Variants in SLC38A7 observed in about 807,000 individuals in gnomAD.
SLC38A7 encodes the protein sodium-coupled neutral amino acid transporter 7.
Under a neutral mutation model 50.1 loss-of-function variants are expected in SLC38A7, and 29 were observed. The observed-to-expected ratio is 0.58, with a 90% CI of 0.43 to 0.79. The LOEUF (loss-of-function observed/expected upper bound fraction) is 0.79, where lower values mean the gene tolerates loss of function less well. SLC38A7 is among the 30% of genes least tolerant of loss of function. SLC38A7 has a pLI of 0.00. For missense variants in SLC38A7, 483 were observed against 610.6 expected, an observed-to-expected ratio of 0.79 and a Z score of 2.20; for synonymous variants, 244 against 245.9, an observed-to-expected ratio of 0.99 and a Z score of 0.07.
At position 58,665,716 on chromosome 16, in the gene SLC38A7, G is replaced by A. The variant is rs1567466518; in HGVS notation, c.*1669C>T. 6.6e-6 allele frequency: 1 copy of A among 152,438 alleles called. No individual in the cohort carries two copies. Among genetic ancestry groups the A allele is most frequent in the Non-Finnish European group, 1.5e-5 (1 of 68,240 alleles). The allele number at this position is 152,438 out of a possible 1,614,324, so 9.4% of individuals were successfully genotyped here. A position where few individuals can be genotyped will look rare whatever the true frequency, so the allele number is the denominator to read the frequency against. ...AGTGAGAGGGGGCAGCTGAGGGGCT[G>A]AGGTGGTCAAAACGGGAATATAGTG... On this transcript the variant is annotated 3_prime_UTR_variant, in exon 12 of 12. Transcript: ENST00000219320.
chr16:58,672,137 C>A lies in SLC38A7; in HGVS notation c.990G>T (p.Leu330=). The A allele has an allele frequency of 6.4e-7, 1 of 1,562,086 alleles. No individual in the cohort carries two copies. The stretch of plus-strand genomic sequence containing the variant: ...GGATAGGGTAGGAGGTGAGCACGCT[C>A]AGGATGATGAAGGCTCGGGCAACGG... The part of the protein sequence containing the change: ...AVAVARAFII[L]SVLTSYPILH... Residue 330 remains leucine (L), a synonymous_variant, in exon 9 of 12, where the codon CTG becomes CTT. Coordinates refer to ENST00000219320, the MANE Select transcript of SLC38A7 (RefSeq NM_018231.3).
rs1290417376 is a variant in SLC38A7, at chr16:58,680,926, C to T, written c.-115-685G>A. 1.1e-4 allele frequency among the ~76,000 whole-genome samples: 16 copies of T among 152,286 alleles called. 1 individual carries two copies. The South Asian group carries it at 3.1e-3, about 30-fold the overall frequency. ...TCCTTTGCCGCCACCCTTTTAGGTCCTATTTCTTCCCCATTTCCTGGGTCA... is the reference window on the plus strand; with the variant it reads ...TCCTTTGCCGCCACCCTTTTAGGTCTTATTTCTTCCCCATTTCCTGGGTCA... On this transcript the variant is annotated intron_variant, in intron 2 of 11. Transcript: ENST00000219320.
At position 58,672,219 on chromosome 16, in the gene SLC38A7, C is replaced by T. The variant is rs570338430; in HGVS notation, c.908G>A (p.Gly303Glu). Reference protein sequence around the residue: ...GTGICGFLTFGAAVDPDVLLS... With the variant: ...GTGICGFLTFEAAVDPDVLLS... ...GAGCACGTCAGGATCCACAGCAGCTCCAAAGGTCAGGAAGCCACAGATGCC... is the reference window on the plus strand; with the variant it reads ...GAGCACGTCAGGATCCACAGCAGCTTCAAAGGTCAGGAAGCCACAGATGCC... Residue 303 changes from glycine to glutamate, a missense_variant, in exon 9 of 12, where the codon GGA (glycine) becomes GAA (glutamate). Transcript: ENST00000219320. 7 of 1,583,672 alleles carry T rather than the reference C, an allele frequency of 4.4e-6. No homozygotes were observed. In the East Asian group the frequency reaches 1.6e-4, roughly 37 times the overall value.
chr16:58,675,667 A>T (rs913610031), intron 8 of SLC38A7, among the ~76,000 whole-genome samples: 11 of 152,176 alleles, frequency 7.2e-5, no homozygotes, highest in Admixed American at 7.2e-4. Context: ...TGAGGGCAAG[A>T]CCAGTTCTGT....
chr16:58,667,752 T>C (rs935092868), intron 11 of SLC38A7, among the ~76,000 whole-genome samples: 1 of 152,004 alleles, frequency 6.6e-6, no homozygotes, highest in South Asian at 2.1e-4. Context: ...GATGGAAAGA[T>C]GTTCAGAAAA....
At chr16:58,680,344 C>G (rs1486838989) in intron 2 of SLC38A7, 103 bp from the exon 3 acceptor site, 1 of 456,556 alleles carries the variant, frequency 2.2e-6, no homozygotes, top group Non-Finnish European at 3.7e-6. Context: ...AGGGTCCAAA[C>G]CCAGGTATGC....
chr16:58,678,527 C>G lies in SLC38A7; in HGVS notation c.470-53G>C. The G allele has an allele frequency of 6.5e-7, 1 of 1,547,770 alleles. No homozygotes were observed. Among genetic ancestry groups the G allele is most frequent in the Non-Finnish European group, 8.7e-7 (1 of 1,143,856 alleles). ...AAGCCAGGCCACCATGGGGTGTGGC[C>G]CTCCTGCTCTGCTGGGCCCCAGGAC... On this transcript the variant is annotated intron_variant, in intron 4 of 11. Coordinates refer to ENST00000219320, the MANE Select transcript of SLC38A7 (RefSeq NM_018231.3). The surrounding 1 kb of genome is among the most constrained non-coding windows in gnomAD (Gnocchi z 4.0).
intron 8 of SLC38A7, among the ~76,000 whole-genome samples, chr16:58,673,346 C>G (rs1196729167): frequency 6.6e-6 from 1 of 151,654 alleles, no homozygotes; most frequent in Non-Finnish European, 1.5e-5. Flanking sequence ...AGTGATTCTC[C>G]TGCCACAGAC....
intron 11 of SLC38A7, 111 bp from the exon 12 acceptor site, chr16:58,667,598 G>C: frequency 1.2e-6 from 1 of 812,538 alleles, no homozygotes; most frequent in Non-Finnish European, 1.8e-6. Flanking sequence ...CCTGTTGGTA[G>C]AGCACTTCCT....
At chr16:58,671,599 T>C (rs1418333700) in intron 9 of SLC38A7, 3 of 324,122 alleles carry the variant, frequency 9.3e-6, no homozygotes, top group African/African-American at 2.1e-5. Flanking sequence ...TCTGGCTCTC[T>C]CACCCAGGCT....
intron 7 of SLC38A7, 23 bp from the exon 8 acceptor site, chr16:58,676,077 C>T (rs1567472530): frequency 1.2e-6 from 2 of 1,608,218 alleles, no homozygotes; most frequent in Non-Finnish European, 1.7e-6. Flanking sequence ...AGGGCACCGT[C>T]ATGGTGGGGA....
intron 8 of SLC38A7, 43 bp downstream of exon 8, chr16:58,675,897 G>A (rs1292969165): frequency 6.7e-7 from 1 of 1,500,920 alleles, no homozygotes; most frequent in Non-Finnish European, 9.1e-7. Context: ...CTGTGGAAGT[G>A]AGAGCACTCT....
At position 58,678,854 on chromosome 16, in the gene SLC38A7, G is replaced by T; in HGVS notation, c.311C>A (p.Ala104Asp). Residue 104 changes from alanine to aspartate, a missense_variant, in exon 4 of 12, where the codon GCC becomes GAC. Transcript: ENST00000219320. The surrounding 1 kb of genome is among the most constrained non-coding windows in gnomAD (Gnocchi z 4.0). ...VFIISGLVIL[A>D]YCSQASNERT... ...CTCATTGCTGGCCTGGGAGCAGTAG[G>T]CCAGGATGACAAGGCCACTGATGAT... 1 of 1,614,064 alleles carries T rather than the reference G, an allele frequency of 6.2e-7. No individual in the cohort carries two copies. The highest frequency in any genetic ancestry group is 8.5e-7 in the Non-Finnish European group (1 of 1,180,036).
chr16:58,678,679 C>T lies in SLC38A7; in HGVS notation c.469+17G>A, dbSNP rs757862614. ...CTGATAAGAAGAGATGGGGTAGGGA[C>T]TGAGGGAGAAGCTCACTCTTGTCCT... On this transcript the variant is annotated intron_variant, in intron 4 of 11. Transcript: ENST00000219320. This position sits in a 1 kb window ranked among gnomAD's most constrained non-coding sequence, Gnocchi z 4.0. 1.9e-6 allele frequency: 3 copies of T among 1,612,778 alleles called. No individual in the cohort carries two copies. The highest frequency in any genetic ancestry group is 2.5e-6 in the Non-Finnish European group (3 of 1,179,412).
At position 58,670,231 on chromosome 16, in the gene SLC38A7, C is replaced by G. The variant is rs2044133949; in HGVS notation, c.1232-64G>C. The G allele has an allele frequency of 2.6e-6, 4 of 1,518,164 alleles. No homozygotes were observed. The Admixed American group carries it at 6.8e-5, about 26-fold the overall frequency. The allele number at this position is 1,518,164 out of a possible 1,614,324, so 94.0% of individuals were successfully genotyped here. A position where few individuals can be genotyped will look rare whatever the true frequency, so the allele number is the denominator to read the frequency against. On this transcript the variant is annotated intron_variant, in intron 10 of 11. Transcript: ENST00000219320. ...AGAGGGCTCCCTCCCTCCTAGCCAC[C>G]TCCTTTCCCAAGAAGCAGTGCTGGA... is the stretch of plus-strand genomic sequence containing the variant.
chr16:58,679,762 G>A, intron 3 of SLC38A7, 95 bp downstream of exon 3: 4 of 1,511,248 alleles, frequency 2.6e-6, no homozygotes, highest in South Asian at 1.1e-5. Context: ...AGCAGTGCGT[G>A]TATCACTTAC....
At chr16:58,676,702 A>G (rs1410929501) in intron 6 of SLC38A7, among the ~76,000 whole-genome samples, 1 of 152,028 alleles carries the variant, frequency 6.6e-6, no homozygotes, top group Non-Finnish European at 1.5e-5. Context: ...CCCAGGCTGG[A>G]GTGCAGTGGC....
chr16:58,670,993 C>T (rs972660689), intron 10 of SLC38A7, 52 bp downstream of exon 10: 1 of 1,547,080 alleles, frequency 6.5e-7, no homozygotes, highest in Non-Finnish European at 8.8e-7. Context: ...GCTAGGCAGG[C>T]CCTGGGAGTC....
intron 8 of SLC38A7, among the ~76,000 whole-genome samples, chr16:58,672,982 C>T (rs971232732): frequency 2.6e-5 from 4 of 151,224 alleles, no homozygotes; most frequent in African/African-American, 9.7e-5. Flanking sequence ...GGCTGGCACG[C>T]GGTGGCACGA....
Sources: gnomAD v4.1 joint callset for allele counts (sites outside exome capture counted in the v4.1 genomes callset) on GRCh38, gnomAD v4.1.1 for gene constraint, Gnocchi (gnomAD v3.1) non-coding constraint, MANE v1.5 for transcripts, NCBI Gene and HGNC (gene_info 2026-07-23, HGNC 2026-07-21) for gene names.